Variants in TRDMT1 observed in about 807,000 individuals in gnomAD.
The protein encoded by TRDMT1 is tRNA aspartic acid methyltransferase 1, also known as tRNA (cytosine(38)-C(5))-methyltransferase.
In TRDMT1, 49 loss-of-function variants were observed where a neutral mutation model predicts 51.2. The ratio of observed to expected loss-of-function variants is 0.96; its 90% CI spans 0.76 to 1.21. The LOEUF (loss-of-function observed/expected upper bound fraction) is 1.21. TRDMT1 is among the 50% of genes most tolerant of loss of function. The pLI is 0.00. For missense variants in TRDMT1, 534 were observed against 462.3 expected (o/e 1.16, Z -1.42); for synonymous variants, 187 against 164.6 (o/e 1.14, Z -1.04).
chr10:17,170,067 G>A (rs1352713771), intron 2 of TRDMT1, among the ~76,000 whole-genome samples: 2 of 152,046 alleles, frequency 1.3e-5, no homozygotes, highest in African/African-American at 2.4e-5. Flanking sequence ...TACAACTAAA[G>A]TAAAAAACAA....
intron 9 of TRDMT1, among the ~76,000 whole-genome samples, chr10:17,154,091 A>C: frequency 6.6e-6 from 1 of 152,222 alleles, no homozygotes; most frequent in African/African-American, 2.4e-5. Context: ...TCTCAAATCC[A>C]GATATTCAAT....
rs765606627 is a variant in TRDMT1 at position 17,139,441 on chromosome 10, T to G, written c.*9599A>C. Among the ~76,000 whole-genome samples the G allele has an allele frequency of 2.0e-5, 3 of 152,028 alleles. No homozygotes were observed. Reference sequence around the variant, plus strand: ...CTTTGTGATGATATTTTGTGTTCTATTAGGGGAGGAGAGCAAGAGAGGTGA... The same window carrying G: ...CTTTGTGATGATATTTTGTGTTCTAGTAGGGGAGGAGAGCAAGAGAGGTGA... On this transcript the variant is annotated 3_prime_UTR_variant, in exon 11 of 11. Coordinates refer to ENST00000377799, the MANE Select transcript of TRDMT1 (RefSeq NM_004412.7).
rs542785872 is a variant in TRDMT1, at chr10:17,180,095, C to A, written c.65-5435G>T. Among the ~76,000 whole-genome samples the A allele has an allele frequency of 1.4e-4, 21 of 152,242 alleles. No homozygotes were observed. In the South Asian group the frequency reaches 4.3e-3, roughly 32 times the overall value. On this transcript the variant is annotated intron_variant, in intron 1 of 10. Coordinates refer to ENST00000377799, the MANE Select transcript of TRDMT1 (RefSeq NM_004412.7). Reference sequence around the variant, plus strand: ...ATTGACAAAGATCTTGGCCTTTTCACCCTAATTCACTGGTTAGAAACTAAA... The same window carrying A: ...ATTGACAAAGATCTTGGCCTTTTCAACCTAATTCACTGGTTAGAAACTAAA...
In TRDMT1 at chr10:17,201,560, T is replaced by G; in HGVS notation, c.64+11A>C. ...AGCGAATAGAGAGAGGGGTGCTAGATGGACTCTCACCTCTCAGCGCGTGGT... is the reference window on the plus strand; with the variant it reads ...AGCGAATAGAGAGAGGGGTGCTAGAGGGACTCTCACCTCTCAGCGCGTGGT... On this transcript the variant is annotated intron_variant, in intron 1 of 10. Transcript: ENST00000377799. 6.5e-7 allele frequency: 1 copy of G among 1,549,362 alleles called. No individual in the cohort carries two copies. The highest frequency in any genetic ancestry group is 8.7e-7 in the Non-Finnish European group (1 of 1,145,924).
chr10:17,163,140 T>C (rs1232068812), intron 3 of TRDMT1, among the ~76,000 whole-genome samples: 1 of 152,170 alleles, frequency 6.6e-6, no homozygotes, highest in East Asian at 1.9e-4. Flanking sequence ...CTAGATTCTA[T>C]AAGCAGGAGG....
Position 17,145,557 on chromosome 10 carries a change from T to C in TRDMT1, c.*3483A>G. The C allele has an allele frequency of 4.1e-6, 4 of 985,434 alleles. No individual in the cohort carries two copies. The highest frequency in any genetic ancestry group is 4.8e-6 in the Non-Finnish European group (4 of 829,928). The allele number at this position is 985,434 out of a possible 1,614,324, so 61.0% of individuals were successfully genotyped here. ...GTCCAAAGCTATTAGTAAGTCAGTG[T>C]CATAACTGGTGGCCTAAAACAGTTA... On this transcript the variant is annotated 3_prime_UTR_variant, in exon 11 of 11. Coordinates refer to ENST00000377799, the MANE Select transcript of TRDMT1 (RefSeq NM_004412.7).
intron 1 of TRDMT1, among the ~76,000 whole-genome samples, chr10:17,181,158 T>C (rs1843237177): frequency 6.6e-6 from 1 of 152,206 alleles, no homozygotes; most frequent in Non-Finnish European, 1.5e-5. Context: ...AAAGTCAGAC[T>C]AATGAGACAG....
chr10:17,139,282 C>T lies in TRDMT1; in HGVS notation c.*9758G>A, dbSNP rs373932441. ...GGCGGTGAAGTTAAATATTTAGACACCATTCATACGATAATCAAAGGAAAA... is the reference window on the plus strand; with the variant it reads ...GGCGGTGAAGTTAAATATTTAGACATCATTCATACGATAATCAAAGGAAAA... On this transcript the variant is annotated 3_prime_UTR_variant, in exon 11 of 11. Transcript: ENST00000377799. 1.1e-4 allele frequency: 91 copies of T among 851,370 alleles called. No homozygotes were observed. In the East Asian group the frequency reaches 4.0e-3, roughly 37 times the overall value. The allele number at this position is 851,370 out of a possible 1,614,324, so 52.7% of individuals were successfully genotyped here. A position where few individuals can be genotyped will look rare whatever the true frequency, so the allele number is the denominator to read the frequency against.
rs554881075 is a variant in TRDMT1, at chr10:17,168,129, G to A, written c.251+712C>T. Among the ~76,000 whole-genome samples the A allele has an allele frequency of 2.6e-5, 4 of 151,946 alleles. No homozygotes were observed. The South Asian group carries it at 6.3e-4, about 24-fold the overall frequency. On this transcript the variant is annotated intron_variant, in intron 3 of 10. Coordinates refer to ENST00000377799, the MANE Select transcript of TRDMT1 (RefSeq NM_004412.7). ...GCCAGCCGTGGCAACATAGTGAGAC[G>A]CCATCTCTACCAAAAATTTAAAAAT...
At chr10:17,170,446 A>G (rs1196893921) in intron 2 of TRDMT1, among the ~76,000 whole-genome samples, 1 of 152,226 alleles carries the variant, frequency 6.6e-6, no homozygotes, top group Non-Finnish European at 1.5e-5. Flanking sequence ...TTGCTTTCAG[A>G]TAATATTAGA....
rs367890110 is a variant in TRDMT1, at chr10:17,174,017, C to A, written c.174+534G>T. On this transcript the variant is annotated intron_variant, in intron 2 of 10. Coordinates refer to ENST00000377799, the MANE Select transcript of TRDMT1 (RefSeq NM_004412.7). The stretch of plus-strand genomic sequence containing the variant: ...TAACTTCGTGATCCACCTGTCTCGG[C>A]CTCCCAAAGTGCTGGCATTACAGGC... Among the ~76,000 whole-genome samples, 4 of 152,228 alleles carry A rather than the reference C, an allele frequency of 2.6e-5. 1 individual carries two copies. The East Asian group carries it at 7.7e-4, about 29-fold the overall frequency.
In TRDMT1 at chr10:17,148,502, A is replaced by C. The variant is rs1313268046; in HGVS notation, c.*538T>G. ...AACATTTAGGATTATTTTTCCTGACATATTCTTCAGTCTGCTGTATAAACT... is the reference window on the plus strand; with the variant it reads ...AACATTTAGGATTATTTTTCCTGACCTATTCTTCAGTCTGCTGTATAAACT... On this transcript the variant is annotated 3_prime_UTR_variant, in exon 11 of 11. Transcript: ENST00000377799. The C allele has an allele frequency of 1.0e-6, 1 of 985,326 alleles. No individual in the cohort carries two copies. The highest frequency in any genetic ancestry group is 1.7e-5 in the African/African-American group (1 of 57,250). 61.0% of individuals were successfully genotyped at this position (985,326 alleles called of 1,614,324 possible).
Position 17,143,291 on chromosome 10 carries a change from G to A in TRDMT1, c.*5749C>T. ...GCCAGTACTGTTTTAAGTCACTGGG[G>A]GGACAACGTATTAACAATCTCTGCC... On this transcript the variant is annotated 3_prime_UTR_variant, in exon 11 of 11. Coordinates refer to ENST00000377799, the MANE Select transcript of TRDMT1 (RefSeq NM_004412.7). 2 of 984,596 alleles carry A rather than the reference G, an allele frequency of 2.0e-6. No individual in the cohort carries two copies. The highest frequency in any genetic ancestry group is 2.4e-6 in the Non-Finnish European group (2 of 829,224). 61.0% of individuals were successfully genotyped at this position (984,596 alleles called of 1,614,324 possible).
chr10:17,140,036 G>GTTT lies in TRDMT1; in HGVS notation c.*9003_*9004insAAA, dbSNP rs1564532491. On this transcript the variant is annotated 3_prime_UTR_variant, in exon 11 of 11. Coordinates refer to ENST00000377799, the MANE Select transcript of TRDMT1 (RefSeq NM_004412.7). ...ATATTCTTCCAGTAACATCTAGTGTGCTTTTTTTTTTTTTTTTTTTTTTTT... is the reference window on the plus strand; with the variant it reads ...ATATTCTTCCAGTAACATCTAGTGTGTTTCTTTTTTTTTTTTTTTTTTTTTTTT... 3.3e-4 allele frequency among the ~76,000 whole-genome samples: 13 copies of GTTT among 39,628 alleles called. No individual in the cohort carries two copies. Among genetic ancestry groups the GTTT allele is most frequent in the East Asian group, 5.9e-4 (1 of 1,688 alleles). The allele number at this position is 39,628 out of a possible 152,430, so 26.0% of individuals were successfully genotyped here.
At chr10:17,154,845 A>G in intron 8 of TRDMT1, 111 bp from the exon 9 acceptor site, 1 of 840,822 alleles carries the variant, frequency 1.2e-6, no homozygotes, top group Non-Finnish European at 1.8e-6. Context: ...TCCTTCTGAA[A>G]TATCTTGAAT....
rs1841776321 is a variant in TRDMT1, at chr10:17,170,197, G to A, written c.175-1280C>T. ...AAAATTACAGCTTTAACAGATTCTTGAAAATAGTGATTTTTTTAATAGTGT... is the reference window on the plus strand; with the variant it reads ...AAAATTACAGCTTTAACAGATTCTTAAAAATAGTGATTTTTTTAATAGTGT... On this transcript the variant is annotated intron_variant, in intron 2 of 10. Transcript: ENST00000377799. Among the ~76,000 whole-genome samples, 6 of 152,122 alleles carry A rather than the reference G, an allele frequency of 3.9e-5. 1 individual carries two copies. The highest frequency in any genetic ancestry group is 3.9e-4 in the Admixed American group (6 of 15,270).
chr10:17,163,992 G>A (rs909020813), intron 3 of TRDMT1, among the ~76,000 whole-genome samples: 1 of 152,202 alleles, frequency 6.6e-6, no homozygotes, highest in African/African-American at 2.4e-5. Context: ...AATAGAAAAA[G>A]AGGGAATCCT....
chr10:17,194,974 TG>T (rs1324310831), intron 1 of TRDMT1, among the ~76,000 whole-genome samples: 3 of 145,572 alleles, frequency 2.1e-5, no homozygotes, highest in Non-Finnish European at 4.5e-5. Context: ...ACGCAGATGC[TG>T]GCAAGGCTGC....
rs770601996 is a variant in TRDMT1 at position 17,162,257 on chromosome 10, A to G, written c.252-20T>C. ...CCAATCCTAAAGGGGTAAAAAAAAA[A>G]AAAAACAAAAAAAAACACAGAAAGT... On this transcript the variant is annotated intron_variant, in intron 3 of 10. Transcript: ENST00000377799. The G allele has an allele frequency of 1.3e-6, 2 of 1,543,132 alleles. No homozygotes were observed. Among genetic ancestry groups the G allele is most frequent in the Non-Finnish European group, 1.8e-6 (2 of 1,141,140 alleles).
Sources: allele counts gnomAD v4.1 joint callset (sites outside exome capture counted in the v4.1 genomes callset), GRCh38; gene constraint gnomAD v4.1.1; transcripts MANE v1.5; gene names NCBI Gene and HGNC (gene_info 2026-07-23, HGNC 2026-07-21).